EVL: variants seen among roughly 807,000 people sequenced by gnomAD.
The protein encoded by EVL is Enah/Vasp-like, also known as ena/VASP-like protein.
EVL carries 21 observed loss-of-function variants against 59.6 expected under a neutral mutation model. That is an observed-to-expected ratio of 0.35 (90% CI 0.25 to 0.51). The LOEUF is 0.51. EVL is among the 20% of genes least tolerant of loss of function. EVL has a pLI of 0.97. For missense variants in EVL, 462 were observed against 546.6 expected, an observed-to-expected ratio of 0.85 and a Z score of 1.54; for synonymous variants, 198 against 203.5, an observed-to-expected ratio of 0.97 and a Z score of 0.23.
At chr14:100,137,898 C>A in intron 11 of EVL, 96 bp downstream of exon 11, 1 of 1,272,974 alleles carries the variant, frequency 7.9e-7, no homozygotes. Flanking sequence ...GTCTCACGTC[C>A]TGGCATTTAA....
intron 1 of EVL, among the ~76,000 whole-genome samples, chr14:100,014,652 G>T (rs550100620): frequency 1.3e-5 from 2 of 152,346 alleles, no homozygotes; most frequent in Middle Eastern, 3.4e-3. Flanking sequence ...ATATCTAGCA[G>T]TGGAATTGCT....
intron 1 of EVL, among the ~76,000 whole-genome samples, chr14:99,993,399 A>G (rs1297006761): frequency 6.6e-6 from 1 of 151,766 alleles, no homozygotes; most frequent in African/African-American, 2.4e-5. Context: ...GTTTGTTAGT[A>G]TTTTGTTAAG....
At chr14:100,094,823 C>A (rs1472276765) in intron 2 of EVL, among the ~76,000 whole-genome samples, 1 of 151,938 alleles carries the variant, frequency 6.6e-6, no homozygotes, top group Non-Finnish European at 1.5e-5. Flanking sequence ...GGGCAGATCA[C>A]GAGGTCAGGA....
intron 1 of EVL, among the ~76,000 whole-genome samples, chr14:100,059,146 CTG>C (rs1169134770): frequency 6.6e-6 from 1 of 152,198 alleles, no homozygotes; most frequent in Non-Finnish European, 1.5e-5. Flanking sequence ...AACTATGAAA[CTG>C]TGTAAAATAT....
At chr14:99,998,254 T>G (rs1350004582) in intron 1 of EVL, among the ~76,000 whole-genome samples, 1 of 152,062 alleles carries the variant, frequency 6.6e-6, no homozygotes, top group Non-Finnish European at 1.5e-5. Flanking sequence ...GCGGCTCCAG[T>G]GATCCTCCCA....
chr14:100,006,657 TC>T (rs796961869), intron 1 of EVL, among the ~76,000 whole-genome samples: 36 of 152,202 alleles, frequency 2.4e-4, no homozygotes, highest in African/African-American at 8.7e-4. Context: ...TGGGTCTCAG[TC>T]TGAAGACTGC....
upstream of EVL, among the ~76,000 whole-genome samples, chr14:100,060,777 G>A (rs971132519): frequency 3.3e-5 from 5 of 151,900 alleles, no homozygotes; most frequent in African/African-American, 9.7e-5. Context: ...TGAAACCCTA[G>A]CAAAATGAAT....
chr14:100,117,930 GT>G (rs1476979877), intron 3 of EVL, among the ~76,000 whole-genome samples: 8 of 152,326 alleles, frequency 5.3e-5, no homozygotes, highest in African/African-American at 1.9e-4. Flanking sequence ...GAGATGCTCA[GT>G]TTGCCTGGGG....
intron 1 of EVL, among the ~76,000 whole-genome samples, chr14:100,022,641 A>G (rs2061145777): frequency 6.6e-6 from 1 of 152,190 alleles, no homozygotes; most frequent in Admixed American, 6.5e-5. Flanking sequence ...TTATTGGACT[A>G]TGAATTCCAT....
chr14:100,018,568 T>C (rs1308278090), intron 1 of EVL, among the ~76,000 whole-genome samples: 2 of 152,154 alleles, frequency 1.3e-5, no homozygotes, highest in East Asian at 3.8e-4. Context: ...GCAATTTTCC[T>C]AAGGCCAGAG....
intron 1 of EVL, among the ~76,000 whole-genome samples, chr14:99,978,429 A>G (rs2060785055): frequency 6.6e-6 from 1 of 152,080 alleles, no homozygotes; most frequent in Admixed American, 6.5e-5. Context: ...TGGATGTAGA[A>G]ATAAAAGTTC....
At chr14:100,090,484 A>G (rs1435640341) in intron 2 of EVL, among the ~76,000 whole-genome samples, 1 of 152,262 alleles carries the variant, frequency 6.6e-6, no homozygotes, top group Non-Finnish European at 1.5e-5. Flanking sequence ...CAAAAACTGC[A>G]CAAAAACCTT....
chr14:100,140,047 A>C, intron 11 of EVL: 1 of 152,064 alleles, frequency 6.6e-6, no homozygotes, highest in Non-Finnish European at 1.5e-5. Context: ...TGAGCCCAGG[A>C]CTTGGAGACC....
intron 1 of EVL, chr14:100,019,774 C>A: frequency 2.3e-6 from 3 of 1,298,564 alleles, no homozygotes; most frequent in Non-Finnish European, 2.1e-6. Flanking sequence ...TAGGCTCTGG[C>A]TGGTTCTCAC....
Position 100,137,729 on chromosome 14 carries a change from C to T in EVL, c.1032-11C>T. The T allele has an allele frequency of 1.2e-6, 2 of 1,614,122 alleles. No homozygotes were observed. The highest frequency in any genetic ancestry group is 1.1e-5 in the South Asian group (1 of 91,090). ...GCCGATTCACATGTCTGTTTCATTC[C>T]ATTGCCGTAGAACCCCGTCTGTGGC... On this transcript the variant is annotated splice_polypyrimidine_tract_variant and intron_variant, in intron 10 of 13. Transcript: ENST00000392920.
intron 1 of EVL, among the ~76,000 whole-genome samples, chr14:100,079,595 G>A (rs1012873127): frequency 6.6e-6 from 1 of 152,152 alleles, no homozygotes; most frequent in Admixed American, 6.5e-5. Flanking sequence ...CTTTTTCCAA[G>A]TTCAACCCTG....
chr14:100,022,839 G>A (rs1042330658), intron 1 of EVL, among the ~76,000 whole-genome samples: 2 of 152,286 alleles, frequency 1.3e-5, no homozygotes, highest in Middle Eastern at 3.4e-3. Context: ...ATGGTGCCAC[G>A]TGGGCTGTTT....
At chr14:100,084,531 CACCTCACCAGG>C (rs2062393341) in intron 1 of EVL, among the ~76,000 whole-genome samples, 145 bp from the exon 2 acceptor site, 1 of 152,222 alleles carries the variant, frequency 6.6e-6, no homozygotes, top group Non-Finnish European at 1.5e-5. Context: ...GTAAGCTCAT[CACCTCACCAGG>C]CAGTTCTTCC....
chr14:100,141,702 C>T (rs755297004), intron 12 of EVL, 34 bp from the exon 13 acceptor site: 144 of 1,608,114 alleles, frequency 9.0e-5, no homozygotes, highest in Middle Eastern at 6.7e-4. Flanking sequence ...TCTCCACTGC[C>T]TGTCCCTTCA....
Sources: allele counts gnomAD v4.1 joint callset (sites outside exome capture counted in the v4.1 genomes callset), GRCh38; gene constraint gnomAD v4.1.1; transcripts MANE v1.5; gene names NCBI Gene and HGNC (gene_info 2026-07-23, HGNC 2026-07-21).